HTR7: variants seen among roughly 807,000 people sequenced by gnomAD.
HTR7 encodes 5-hydroxytryptamine receptor 7, also known as 5-HT-7.
In HTR7, 16 loss-of-function variants were observed where a neutral mutation model predicts 34.0. The observed-to-expected ratio is 0.47, with a 90% CI of 0.32 to 0.71. The LOEUF (loss-of-function observed/expected upper bound fraction) is 0.71, where lower values mean the gene tolerates loss of function less well. HTR7 is among the 30% of genes least tolerant of loss of function. The pLI is 0.04. For synonymous variants in HTR7, 265 were observed against 260.2 expected, an observed-to-expected ratio of 1.02 and a Z score of -0.18; for missense variants, 504 against 625.5, an observed-to-expected ratio of 0.81 and a Z score of 2.07.
rs572408785 is a variant in HTR7, at chr10:90,776,859, T to C, written c.540-27265A>G. Among the ~76,000 whole-genome samples the C allele has an allele frequency of 2.2e-3, 329 of 151,848 alleles. 1 individual carries two copies. Among genetic ancestry groups the C allele is most frequent in the Middle Eastern group, 0.014 (4 of 294 alleles). On this transcript the variant is annotated intron_variant, in intron 1 of 3. Transcript: ENST00000336152. ...AGGCTACACGGTCTCAGTGTTGTTA[T>C]TCCATAATAGCTGTCCACATACAGA...
intron 1 of HTR7, among the ~76,000 whole-genome samples, chr10:90,764,567 G>T (rs778032242): frequency 1.3e-4 from 20 of 151,814 alleles, no homozygotes; most frequent in Non-Finnish European, 2.5e-4. Context: ...TTTTTCAGTG[G>T]AGTCTTTAGA....
intron 1 of HTR7, among the ~76,000 whole-genome samples, chr10:90,806,675 G>C (rs1409893125): frequency 6.6e-6 from 1 of 152,104 alleles, no homozygotes; most frequent in African/African-American, 2.4e-5. Context: ...TACCAGTGGA[G>C]TTTAGCAATG....
At chr10:90,842,002 G>GAAAAAC (rs972764973) in intron 1 of HTR7, among the ~76,000 whole-genome samples, 13 of 149,698 alleles carry the variant, frequency 8.7e-5, no homozygotes, top group Middle Eastern at 3.4e-3. Context: ...CTGTCTCAAA[G>GAAAAAC]AAAAACAAAA....
At chr10:90,850,463 C>A (rs1846481185) in intron 1 of HTR7, among the ~76,000 whole-genome samples, 1 of 152,168 alleles carries the variant, frequency 6.6e-6, no homozygotes, top group South Asian at 2.1e-4. Flanking sequence ...ACAGCATCTA[C>A]AATTTTTCAT....
chr10:90,742,529 C>A lies in HTR7; in HGVS notation c.1394-1G>T. 2.5e-6 allele frequency: 4 copies of A among 1,579,146 alleles called. No homozygotes were observed. Among genetic ancestry groups the A allele is most frequent in the South Asian group, 1.1e-5 (1 of 89,130 alleles). ...TTTTCTACAGTAGTCAGCATTTTGT[C>A]TAAAAAAAAGAGAGAGAAAAATAGA... On this transcript the variant is annotated splice_acceptor_variant, in intron 3 of 3. Transcript: ENST00000336152. LOFTEE classifies it high-confidence loss of function.
chr10:90,804,141 G>GAGGA (rs1301574989), intron 1 of HTR7, among the ~76,000 whole-genome samples: 2 of 152,130 alleles, frequency 1.3e-5, no homozygotes, highest in Non-Finnish European at 2.9e-5. Context: ...AGACTTCAGA[G>GAGGA]AGGAGCCCAG....
At chr10:90,754,219 T>C (rs1844792266) in intron 1 of HTR7, among the ~76,000 whole-genome samples, 1 of 152,132 alleles carries the variant, frequency 6.6e-6, no homozygotes, top group Non-Finnish European at 1.5e-5. Flanking sequence ...TTGTCAAAAG[T>C]ACTTTATTAG....
intron 1 of HTR7, among the ~76,000 whole-genome samples, chr10:90,817,146 A>C (rs1272981942): frequency 2.0e-5 from 3 of 152,214 alleles, no homozygotes; most frequent in Non-Finnish European, 4.4e-5. Flanking sequence ...AAAGGGGGAA[A>C]AATGAGAAAT....
At chr10:90,758,035 G>A (rs866323981) in intron 1 of HTR7, among the ~76,000 whole-genome samples, 1 of 152,114 alleles carries the variant, frequency 6.6e-6, no homozygotes, top group Admixed American at 6.5e-5. Flanking sequence ...GAATGAGCAG[G>A]AGCTGAGAAT....
At chr10:90,822,864 G>C (rs1402512217) in intron 1 of HTR7, among the ~76,000 whole-genome samples, 1 of 152,194 alleles carries the variant, frequency 6.6e-6, no homozygotes, top group Non-Finnish European at 1.5e-5. Context: ...AGAGGCCAAG[G>C]TACAGTTCAG....
intron 1 of HTR7, among the ~76,000 whole-genome samples, chr10:90,823,478 A>G (rs949564766): frequency 7.9e-5 from 12 of 152,352 alleles, no homozygotes; most frequent in Non-Finnish European, 1.5e-4. Flanking sequence ...CTATCACAGT[A>G]TCTTAGAAGT....
chr10:90,848,145 C>T (rs567327441), intron 1 of HTR7, among the ~76,000 whole-genome samples: 124 of 148,144 alleles, frequency 8.4e-4, no homozygotes, highest in Admixed American at 1.6e-3. Context: ...CTCGGCTCAC[C>T]GCAACCTCGG....
intron 1 of HTR7, among the ~76,000 whole-genome samples, chr10:90,752,561 T>C (rs1420049037): frequency 1.3e-5 from 2 of 151,682 alleles, no homozygotes; most frequent in African/African-American, 4.8e-5. Context: ...CAAGTCAACA[T>C]GCAAAAATGT....
intron 1 of HTR7, among the ~76,000 whole-genome samples, chr10:90,851,794 T>C (rs912296061): frequency 6.6e-6 from 1 of 152,088 alleles, no homozygotes; most frequent in Admixed American, 6.6e-5. Context: ...AACTGAATCA[T>C]GGGGGTGGTT....
chr10:90,835,708 A>G (rs563215079), intron 1 of HTR7, among the ~76,000 whole-genome samples: 1 of 152,300 alleles, frequency 6.6e-6, no homozygotes, highest in East Asian at 1.9e-4. Context: ...TGTGCAAGGG[A>G]CCCAGAAATA....
intron 1 of HTR7, among the ~76,000 whole-genome samples, chr10:90,820,441 T>C (rs1845961930): frequency 1.3e-5 from 2 of 152,196 alleles, no homozygotes; most frequent in African/African-American, 2.4e-5. Flanking sequence ...AGTGCAAAGA[T>C]CTGGACACTC....
chr10:90,843,785 C>G (rs2120098570), intron 1 of HTR7, among the ~76,000 whole-genome samples: 1 of 152,276 alleles, frequency 6.6e-6, no homozygotes, highest in Non-Finnish European at 1.5e-5. Context: ...GGAGCAGAAG[C>G]TGGCAAGCTC....
chr10:90,749,361 A>G lies in HTR7; in HGVS notation c.773T>C (p.Met258Thr), dbSNP rs774089851. ...FYIPMSVMLF[M>T]YYQIYKAARK... is the part of the protein sequence containing the mutation. ...GGCAGCCTTGTAAATCTGGTAGTAC[A>G]TGAAAAGCATGACGGACATGGGGAT... Residue 258 changes from methionine (M) to threonine (T), a missense_variant, in exon 2 of 4, where the codon ATG becomes ACG. By Grantham distance (81) the Met-to-Thr change is moderately conservative (BLOSUM62 -1). Transcript: ENST00000336152. The surrounding 1 kb of genome is among the most constrained non-coding windows in gnomAD (Gnocchi z 4.2). The G allele has an allele frequency of 2.0e-5, 32 of 1,614,080 alleles. No individual in the cohort carries two copies. Among genetic ancestry groups the G allele is most frequent in the Admixed American group, 3.3e-5 (2 of 59,998 alleles).
intron 1 of HTR7, among the ~76,000 whole-genome samples, chr10:90,813,379 A>G (rs11813240): frequency 0.28 from 41,907 of 151,942 alleles, 6,307 homozygotes; most frequent in African/African-American, 0.4. Context: ...AAAATTAGCC[A>G]AGCATGGTAG....
Sources: gnomAD v4.1 joint callset for allele counts (sites outside exome capture counted in the v4.1 genomes callset) on GRCh38, gnomAD v4.1.1 for gene constraint, Gnocchi (gnomAD v3.1) non-coding constraint, MANE v1.5 for transcripts, NCBI Gene and HGNC (gene_info 2026-07-23, HGNC 2026-07-21) for gene names.